The following CLRN1 variants were observed in gnomAD, a reference collection of about 807,000 sequenced individuals.
CLRN1 encodes clarin-1.
A neutral mutation model predicts 18.7 loss-of-function variants in CLRN1; 15 were observed. The observed-to-expected ratio is 0.80, with a 90% confidence interval of 0.54 to 1.23. The LOEUF (loss-of-function observed/expected upper bound fraction) is 1.23. CLRN1 is among the 50% of genes most tolerant of loss of function. The pLI, the probability that CLRN1 is intolerant of heterozygous loss-of-function variation, is 0.00. For synonymous variants in CLRN1, 104 were observed against 102.9 expected, an observed-to-expected ratio of 1.01 and a Z score of -0.07; for missense variants, 311 against 277.5, an observed-to-expected ratio of 1.12 and a Z score of -0.86.
In CLRN1 at chr3:150,941,728, C is replaced by A. The variant is rs767244695; in HGVS notation, c.287G>T (p.Ser96Ile). ...GAAGAGAATGACATTGACGTGGATG[C>A]TCACTGGGATTGCTTTGAGCAAATC... ...FPDLLKAIPV[S>I]IHVNVILFSA... Residue 96 changes from serine to isoleucine, a missense_variant, in exon 2 of 3, where the codon AGC becomes ATC. Coordinates refer to ENST00000327047, the MANE Select transcript of CLRN1 (RefSeq NM_174878.3). 1.2e-6 allele frequency: 2 copies of A among 1,613,902 alleles called. No homozygotes were observed. Among genetic ancestry groups the A allele is most frequent in the African/African-American group, 1.3e-5 (1 of 74,926 alleles).
intron 1 of CLRN1, among the ~76,000 whole-genome samples, chr3:150,960,348 T>C (rs1000346374): frequency 1.3e-5 from 2 of 152,138 alleles, no homozygotes; most frequent in African/African-American, 4.8e-5. Flanking sequence ...CCAGGAGGAA[T>C]CACTGAGGGT....
chr3:150,962,890 T>A (rs989781507), intron 1 of CLRN1, among the ~76,000 whole-genome samples: 7 of 152,160 alleles, frequency 4.6e-5, no homozygotes, highest in African/African-American at 1.7e-4. Flanking sequence ...AGATTAAGAT[T>A]TAGACATCAG....
intron 1 of CLRN1, among the ~76,000 whole-genome samples, chr3:150,966,117 T>C (rs895544101): frequency 6.6e-6 from 1 of 152,172 alleles, no homozygotes; most frequent in Non-Finnish European, 1.5e-5. Context: ...CCCAGCAGTT[T>C]GAGACCTGCC....
At chr3:150,957,529 G>C (rs1247499578) in intron 1 of CLRN1, among the ~76,000 whole-genome samples, 2 of 152,164 alleles carry the variant, frequency 1.3e-5, no homozygotes, top group African/African-American at 4.8e-5. Context: ...CCTGTTGACT[G>C]TTACTTCCTT....
At chr3:150,947,293 GAAAA>G in intron 1 of CLRN1, among the ~76,000 whole-genome samples, 1 of 150,666 alleles carries the variant, frequency 6.6e-6, no homozygotes, top group South Asian at 2.1e-4. Context: ...AACCAACAAA[GAAAA>G]AAAAAGACAA....
rs762302277 is a variant in CLRN1 at position 150,926,788 on chromosome 3, G to A, written c.*1148C>T. On this transcript the variant is annotated 3_prime_UTR_variant, in exon 3 of 3. Transcript: ENST00000327047. ...AGTGATCTGTTTGCTGTCATTCTCT[G>A]CTTTTTCCTTGGTGCTTTCTGGAGG... The A allele has an allele frequency of 3.7e-6, 6 of 1,613,910 alleles. No homozygotes were observed. The South Asian group carries it at 6.6e-5, about 18-fold the overall frequency.
chr3:150,967,795 G>A (rs1343252187), intron 1 of CLRN1, among the ~76,000 whole-genome samples: 1 of 152,142 alleles, frequency 6.6e-6, no homozygotes, highest in Admixed American at 6.5e-5. Context: ...GAGATAGAGA[G>A]TGCCAACTCT....
chr3:150,958,802 C>T (rs1486630214), intron 1 of CLRN1, among the ~76,000 whole-genome samples: 4 of 152,208 alleles, frequency 2.6e-5, no homozygotes, highest in African/African-American at 9.7e-5. Context: ...ATTTGCTCAT[C>T]TTGACCTCTC....
rs1715364011 is a variant in CLRN1 at position 150,968,430 on chromosome 3, G to T, written c.253+4026C>A. On this transcript the variant is annotated intron_variant, in intron 1 of 2. Coordinates refer to ENST00000327047, the MANE Select transcript of CLRN1 (RefSeq NM_174878.3). ...AATTGTATGCTAGGTATGAATGCTGGTGACCTCTAGAAAATGAACCACTGA... is the reference window on the plus strand; with the variant it reads ...AATTGTATGCTAGGTATGAATGCTGTTGACCTCTAGAAAATGAACCACTGA... 2.0e-5 allele frequency among the ~76,000 whole-genome samples: 3 copies of T among 152,272 alleles called. No homozygotes were observed. The South Asian group carries it at 6.2e-4, about 32-fold the overall frequency.
chr3:150,969,920 A>T (rs1465794942), intron 1 of CLRN1, among the ~76,000 whole-genome samples: 1 of 152,260 alleles, frequency 6.6e-6, no homozygotes, highest in Non-Finnish European at 1.5e-5. Context: ...AGTTGCAGTG[A>T]GCCGAAAAAA....
intron 1 of CLRN1, among the ~76,000 whole-genome samples, chr3:150,971,835 A>C (rs1037352043): frequency 6.6e-6 from 1 of 152,206 alleles, no homozygotes; most frequent in African/African-American, 2.4e-5. Context: ...TCTCTCTCAT[A>C]TTCTCTACAT....
At chr3:150,928,452 G>A (rs918486472) in intron 2 of CLRN1, among the ~76,000 whole-genome samples, 1 of 152,160 alleles carries the variant, frequency 6.6e-6, no homozygotes, top group African/African-American at 2.4e-5. Context: ...GAGGTAAGGA[G>A]GTGGTTAGAA....
At chr3:150,952,481 G>T (rs1413886657) in intron 1 of CLRN1, among the ~76,000 whole-genome samples, 1 of 152,142 alleles carries the variant, frequency 6.6e-6, no homozygotes, top group Non-Finnish European at 1.5e-5. Flanking sequence ...TGTATTAAAA[G>T]CATTTTCAAT....
At chr3:150,950,472 AC>A (rs1395981806) in intron 1 of CLRN1, among the ~76,000 whole-genome samples, 1 of 152,208 alleles carries the variant, frequency 6.6e-6, no homozygotes, top group Non-Finnish European at 1.5e-5. Flanking sequence ...GAGAAAAACA[AC>A]CCCATTAAAA....
At chr3:150,942,860 A>G (rs1713938323) in intron 1 of CLRN1, among the ~76,000 whole-genome samples, 1 of 152,168 alleles carries the variant, frequency 6.6e-6, no homozygotes, top group Non-Finnish European at 1.5e-5. Context: ...TGCCAGTTCC[A>G]GGCCTGTTTG....
Position 150,960,158 on chromosome 3 carries a change from A to C in CLRN1, c.253+12298T>G, listed in dbSNP as rs572460275. The stretch of plus-strand genomic sequence containing the variant: ...TATCTCAGTTTCCTTAACTATCAGC[A>C]TAGATGATAATAGAAATAAATCACA... On this transcript the variant is annotated intron_variant, in intron 1 of 2. Transcript: ENST00000327047. Among the ~76,000 whole-genome samples the C allele has an allele frequency of 2.6e-5, 4 of 152,350 alleles. No homozygotes were observed. In the South Asian group the frequency reaches 6.2e-4, roughly 24 times the overall value.
intron 1 of CLRN1, chr3:150,945,436 T>C: frequency 5.3e-6 from 6 of 1,139,886 alleles, no homozygotes; most frequent in Non-Finnish European, 5.8e-6. Flanking sequence ...CCTGACCACA[T>C]GCTGGAAGGG....
chr3:150,945,955 A>C (rs1196618486), intron 1 of CLRN1, among the ~76,000 whole-genome samples: 1 of 152,242 alleles, frequency 6.6e-6, no homozygotes, highest in Non-Finnish European at 1.5e-5. Flanking sequence ...AATCCACTAA[A>C]GTATTACAAG....
intron 1 of CLRN1, among the ~76,000 whole-genome samples, chr3:150,961,901 G>T (rs1410579365): frequency 6.6e-6 from 1 of 152,108 alleles, no homozygotes; most frequent in Non-Finnish European, 1.5e-5. Context: ...AGGCTATGTG[G>T]TCAGGTTGAA....
Sources: gnomAD v4.1 joint callset for allele counts (sites outside exome capture counted in the v4.1 genomes callset) on GRCh38, gnomAD v4.1.1 for gene constraint, MANE v1.5 for transcripts, NCBI Gene and HGNC (gene_info 2026-07-23, HGNC 2026-07-21) for gene names.